Variants in ALK observed in about 807,000 individuals in gnomAD.
ALK encodes the protein ALK tyrosine kinase receptor.
ALK carries 74 observed loss-of-function variants against 163.1 expected under a neutral mutation model. The observed-to-expected ratio is 0.45, with a 90% CI of 0.38 to 0.55. The LOEUF is 0.55. Among genes scored for constraint, ALK ranks in the 20% least tolerant of loss-of-function variants. ALK has a pLI of 0.00. For missense variants in ALK, 2,063 were observed against 2,105.3 expected (o/e 0.98, Z 0.39); for synonymous variants, 960 against 843.2 (o/e 1.14, Z -2.40).
At chr2:29,271,948 C>G (rs1337986428) in intron 11 of ALK, among the ~76,000 whole-genome samples, 1 of 152,146 alleles carries the variant, frequency 6.6e-6, no homozygotes, top group Non-Finnish European at 1.5e-5. Flanking sequence ...CTTAGACTCG[C>G]CCTGCACAGA....
At chr2:29,691,389 T>C (rs776940231) in intron 3 of ALK, among the ~76,000 whole-genome samples, 66 of 152,210 alleles carry the variant, frequency 4.3e-4, no homozygotes, top group Non-Finnish European at 8.8e-4. Flanking sequence ...ATGAAAGAGC[T>C]TGGTAAAGGA....
chr2:29,428,827 A>G (rs779923397), intron 4 of ALK, among the ~76,000 whole-genome samples: 1 of 152,026 alleles, frequency 6.6e-6, no homozygotes, highest in African/African-American at 2.4e-5. Context: ...CTACAGATCA[A>G]TATGTCTCTT....
chr2:29,236,015 G>GTTTTTT (rs1199712750), intron 13 of ALK, among the ~76,000 whole-genome samples: 1 of 134,738 alleles, frequency 7.4e-6, no homozygotes, highest in Non-Finnish European at 1.7e-5. Context: ...ACTAATTTTT[G>GTTTTTT]TATTTTTTTT....
intron 5 of ALK, among the ~76,000 whole-genome samples, chr2:29,334,816 G>C (rs1239980023): frequency 6.6e-6 from 1 of 152,160 alleles, no homozygotes; most frequent in African/African-American, 2.4e-5. Context: ...TGGACGCCTG[G>C]TACTGTGATC....
chr2:29,823,867 A>C lies in ALK; in HGVS notation c.667+96126T>G, dbSNP rs935031061. ...CAAGCCAGCTGTAGAAATTTGCATA[A>C]GTAATAAGGAGTTGCATATTAATCC... On this transcript the variant is annotated intron_variant, in intron 1 of 28. Transcript: ENST00000389048. Among the ~76,000 whole-genome samples the C allele has an allele frequency of 1.9e-4, 29 of 152,236 alleles. 1 individual carries two copies. The highest frequency in any genetic ancestry group is 7.0e-4 in the African/African-American group (29 of 41,470).
In ALK at chr2:29,576,009, G is replaced by C. The variant is rs569530125; in HGVS notation, c.953-43893C>G. 6.6e-5 allele frequency among the ~76,000 whole-genome samples: 10 copies of C among 152,260 alleles called. No individual in the cohort carries two copies. In the South Asian group the frequency reaches 1.9e-3, roughly 28 times the overall value. On this transcript the variant is annotated intron_variant, in intron 3 of 28. Transcript: ENST00000389048. ...AGCCTCCCAGTTAAGATGTGCCTAT[G>C]TGCTCCTGAAGCTGGAATAAGGAAG...
intron 3 of ALK, among the ~76,000 whole-genome samples, chr2:29,652,768 A>T (rs577455987): frequency 6.6e-6 from 1 of 152,148 alleles, no homozygotes; most frequent in African/African-American, 2.4e-5. Flanking sequence ...GCTTGTGGGT[A>T]GCTGAACATC....
chr2:29,774,207 C>T (rs879739922), intron 1 of ALK, among the ~76,000 whole-genome samples: 53 of 152,302 alleles, frequency 3.5e-4, no homozygotes, highest in African/African-American at 1.0e-3. Context: ...ATTCTCTCCC[C>T]CCTGTTGCTT....
In ALK at chr2:29,232,359, C is replaced by T. The variant is rs61754865; in HGVS notation, c.2577G>A (p.Glu859=). 1.3e-5 allele frequency: 21 copies of T among 1,614,268 alleles called. No individual in the cohort carries two copies. The highest frequency in any genetic ancestry group is 3.3e-5 in the South Asian group (3 of 91,088). Residue 859 remains glutamate, a synonymous_variant, in exon 15 of 29, where the codon GAG becomes GAA. Coordinates refer to ENST00000389048, the MANE Select transcript of ALK (RefSeq NM_004304.5). ...YGAKTDTFHP[E]RLENNSSVLG... is the part of the protein sequence containing the mutation. ...GAACCGAGGAGTTATTCTCCAGTCT[C>T]TCTGGGTGGAACGTGTCTGTCTTGG...
intron 5 of ALK, among the ~76,000 whole-genome samples, chr2:29,333,115 TG>T: frequency 6.9e-6 from 1 of 144,242 alleles, no homozygotes; most frequent in East Asian, 1.9e-4. Flanking sequence ...TGGGTTTTTT[TG>T]TTTTTTTGTT....
chr2:29,484,611 C>T (rs901201121), intron 4 of ALK, among the ~76,000 whole-genome samples: 1 of 152,116 alleles, frequency 6.6e-6, no homozygotes, highest in African/African-American at 2.4e-5. Flanking sequence ...AATTTAGCAA[C>T]CAAATTTATT....
At chr2:29,875,430 TTTTAC>T (rs1183262418) in intron 1 of ALK, among the ~76,000 whole-genome samples, 1 of 152,210 alleles carries the variant, frequency 6.6e-6, no homozygotes, top group African/African-American at 2.4e-5. Flanking sequence ...TTTTTTTACA[TTTTAC>T]TTTAAGTTCT....
chr2:29,696,014 A>C (rs12618844), intron 2 of ALK, among the ~76,000 whole-genome samples: 118,459 of 152,162 alleles, frequency 0.78, 46,510 homozygotes, highest in South Asian at 0.85. Flanking sequence ...CCCAGCAATC[A>C]CCAGCAATCC....
chr2:29,519,317 A>C (rs11686046), intron 4 of ALK, among the ~76,000 whole-genome samples: 17,506 of 152,202 alleles, frequency 0.12, 1,355 homozygotes, highest in Non-Finnish European at 0.18. Flanking sequence ...AAGAATTTGA[A>C]TTCAATTACT....
At chr2:29,509,894 G>A (rs567608737) in intron 4 of ALK, among the ~76,000 whole-genome samples, 1 of 152,158 alleles carries the variant, frequency 6.6e-6, no homozygotes, top group East Asian at 1.9e-4. Context: ...GTAGTTTTTA[G>A]GTTTAGCAAT....
Position 29,193,608 on chromosome 2 carries a change from G to A in ALK, c.4479C>T (p.His1493=), listed in dbSNP as rs2148138174. Residue 1493 remains histidine (H), a synonymous_variant, in exon 29 of 29, where the codon CAC becomes CAT. Transcript: ENST00000389048. ...SNPPSELHKV[H]GSRNKPTSLW... is the part of the protein sequence containing the mutation. ...AGCTGGTGGGCTTGTTTCTGGATCC[G>A]TGGACCTTGTGCAACTCCGAAGGAG... 1.2e-6 allele frequency: 2 copies of A among 1,614,224 alleles called. No individual in the cohort carries two copies. Among genetic ancestry groups the A allele is most frequent in the Non-Finnish European group, 1.7e-6 (2 of 1,180,040 alleles).
intron 1 of ALK, among the ~76,000 whole-genome samples, chr2:29,798,967 C>T (rs549456408): frequency 1.3e-5 from 2 of 152,256 alleles, no homozygotes; most frequent in South Asian, 4.2e-4. Flanking sequence ...CTTGGATATG[C>T]CATTGAGCTT....
At chr2:29,763,308 G>C (rs1019674095) in intron 1 of ALK, among the ~76,000 whole-genome samples, 1 of 152,072 alleles carries the variant, frequency 6.6e-6, no homozygotes, top group East Asian at 1.9e-4. Flanking sequence ...CCCGTAGGTA[G>C]ACACCTAAAT....
At chr2:29,778,644 A>C (rs1681245716) in intron 1 of ALK, among the ~76,000 whole-genome samples, 1 of 152,176 alleles carries the variant, frequency 6.6e-6, no homozygotes, top group Non-Finnish European at 1.5e-5. Flanking sequence ...AGTGGCTGCT[A>C]TCTGCTTCGC....
Sources: gnomAD v4.1 joint callset for allele counts (sites outside exome capture counted in the v4.1 genomes callset) on GRCh38, gnomAD v4.1.1 for gene constraint, MANE v1.5 for transcripts, NCBI Gene and HGNC (gene_info 2026-07-23, HGNC 2026-07-21) for gene names.